Variants in LDLRAD4 observed in about 807,000 individuals in gnomAD.
LDLRAD4 encodes low-density lipoprotein receptor class A domain-containing protein 4.
LDLRAD4 carries 5 observed loss-of-function variants against 17.0 expected under a neutral mutation model. The ratio of observed to expected loss-of-function variants is 0.29; its 90% CI spans 0.15 to 0.62. The LOEUF is 0.62. Ranked by LOEUF, LDLRAD4 falls within the 20% of genes least tolerant of loss-of-function variation. LDLRAD4 has a pLI of 0.84. For missense variants in LDLRAD4, 340 were observed against 424.7 expected, an observed-to-expected ratio of 0.80 and a Z score of 1.75; for synonymous variants, 168 against 171.8, an observed-to-expected ratio of 0.98 and a Z score of 0.17.
At chr18:13,522,265 C>A (rs1220538221) in intron 3 of LDLRAD4, 1 of 151,976 alleles carries the variant, frequency 6.6e-6, no homozygotes, top group East Asian at 1.9e-4. Flanking sequence ...AACCAAAGGA[C>A]CTCTCCTCCT....
chr18:13,610,798 A>T (rs2039480099), intron 3 of LDLRAD4, among the ~76,000 whole-genome samples: 1 of 152,076 alleles, frequency 6.6e-6, no homozygotes, highest in Non-Finnish European at 1.5e-5. Flanking sequence ...TTCTTTCTGA[A>T]GCTGCCTCTT....
At chr18:13,253,768 C>T (rs1021572332) in intron 1 of LDLRAD4, among the ~76,000 whole-genome samples, 1 of 152,192 alleles carries the variant, frequency 6.6e-6, no homozygotes, top group African/African-American at 2.4e-5. Context: ...TTCTGGGTAT[C>T]GGAGCATCTC....
chr18:13,521,475 A>T (rs1014105556), intron 3 of LDLRAD4: 3 of 152,134 alleles, frequency 2.0e-5, no homozygotes, highest in Non-Finnish European at 2.9e-5. Flanking sequence ...AGTATGACAG[A>T]TTGCCTTATT....
intron 3 of LDLRAD4, among the ~76,000 whole-genome samples, chr18:13,579,540 A>G (rs1014124567): frequency 1.3e-5 from 2 of 152,196 alleles, no homozygotes; most frequent in Non-Finnish European, 2.9e-5. Flanking sequence ...GTAGTAGCTG[A>G]AGGGCATTAT....
intron 2 of LDLRAD4, among the ~76,000 whole-genome samples, chr18:13,418,813 T>C (rs983078361): frequency 6.6e-6 from 1 of 152,238 alleles, no homozygotes; most frequent in Non-Finnish European, 1.5e-5. Flanking sequence ...CTCCAGAGAA[T>C]AGAAGCTAAG....
intron 1 of LDLRAD4, among the ~76,000 whole-genome samples, chr18:13,346,356 G>A (rs2082687022): frequency 6.6e-6 from 1 of 152,156 alleles, no homozygotes; most frequent in African/African-American, 2.4e-5. Flanking sequence ...TTCAGGAGCA[G>A]GTTGTTCAGT....
chr18:13,526,885 C>T (rs1288559889), intron 3 of LDLRAD4, among the ~76,000 whole-genome samples: 1 of 152,232 alleles, frequency 6.6e-6, no homozygotes, highest in Non-Finnish European at 1.5e-5. Flanking sequence ...TCTTCCCCTT[C>T]TCTTCCTCCC....
chr18:13,464,736 C>A (rs979254475), intron 3 of LDLRAD4, among the ~76,000 whole-genome samples: 2 of 135,368 alleles, frequency 1.5e-5, no homozygotes, highest in Non-Finnish European at 3.1e-5. Context: ...TTTTTTTTTT[C>A]ACATCGCTGT....
At chr18:13,289,439 A>C (rs1252190891) in intron 1 of LDLRAD4, among the ~76,000 whole-genome samples, 1 of 152,216 alleles carries the variant, frequency 6.6e-6, no homozygotes, top group Non-Finnish European at 1.5e-5. Flanking sequence ...TGTAAATATA[A>C]GTAGAATTTA....
At chr18:13,325,154 A>G (rs77723235) in intron 1 of LDLRAD4, among the ~76,000 whole-genome samples, 2 of 152,302 alleles carry the variant, frequency 1.3e-5, no homozygotes, top group African/African-American at 4.8e-5. Context: ...GTGGCCTTCT[A>G]TCTTGCAGCA....
At chr18:13,437,227 G>C (rs929400402) in intron 2 of LDLRAD4, among the ~76,000 whole-genome samples, 1 of 152,238 alleles carries the variant, frequency 6.6e-6, no homozygotes, top group South Asian at 2.1e-4. Flanking sequence ...GGAAGAGGCT[G>C]TGACAGTCAG....
chr18:13,605,790 A>C (rs1300190316), intron 3 of LDLRAD4, among the ~76,000 whole-genome samples: 1 of 152,088 alleles, frequency 6.6e-6, no homozygotes, highest in African/African-American at 2.4e-5. Context: ...GAGCCCTCAC[A>C]TGTCCTCGTG....
chr18:13,375,439 G>A (rs1163713432), intron 1 of LDLRAD4, among the ~76,000 whole-genome samples: 1 of 152,174 alleles, frequency 6.6e-6, no homozygotes, highest in African/African-American at 2.4e-5. Flanking sequence ...TAGGAGTGAT[G>A]TCTCCGACGT....
chr18:13,262,791 T>C (rs74523684), intron 1 of LDLRAD4, among the ~76,000 whole-genome samples: 5 of 69,928 alleles, frequency 7.2e-5, no homozygotes, highest in African/African-American at 1.1e-4. Context: ...CGTGCGGCTC[T>C]GTGCGTGGAA....
At chr18:13,265,339 C>T (rs542488116) in intron 1 of LDLRAD4, among the ~76,000 whole-genome samples, 1 of 152,302 alleles carries the variant, frequency 6.6e-6, no homozygotes, top group Non-Finnish European at 1.5e-5. Flanking sequence ...CAACGCCAAA[C>T]TTACCTGTGT....
intron 1 of LDLRAD4, among the ~76,000 whole-genome samples, chr18:13,223,419 C>T (rs1598737871): frequency 6.6e-6 from 1 of 152,164 alleles, no homozygotes; most frequent in Non-Finnish European, 1.5e-5. Context: ...GAATGGCAGG[C>T]AGGCTTTTTG....
intron 3 of LDLRAD4, among the ~76,000 whole-genome samples, chr18:13,551,182 T>C (rs1284410): frequency 0.58 from 88,051 of 151,924 alleles, 25,745 homozygotes; most frequent in Middle Eastern, 0.69. Flanking sequence ...TGTCATCGGG[T>C]GCCAACAGCA....
intron 3 of LDLRAD4, among the ~76,000 whole-genome samples, chr18:13,509,502 G>A (rs1217975139): frequency 6.6e-6 from 1 of 152,244 alleles, no homozygotes. Flanking sequence ...TCAAACTTGA[G>A]TGGATAAGGA....
chr18:13,441,365 C>T (rs1446867979), intron 3 of LDLRAD4, among the ~76,000 whole-genome samples: 3 of 152,248 alleles, frequency 2.0e-5, no homozygotes, highest in Admixed American at 6.5e-5. Flanking sequence ...TCCCCTTCCT[C>T]TCCACCTGGA....
Sources: allele counts gnomAD v4.1 joint callset (sites outside exome capture counted in the v4.1 genomes callset), GRCh38; gene constraint gnomAD v4.1.1; transcripts MANE v1.5; gene names NCBI Gene and HGNC (gene_info 2026-07-23, HGNC 2026-07-21).